CENPK: variants seen among roughly 807,000 people sequenced by gnomAD.
The protein encoded by CENPK is SoxLZ/Sox6-binding protein Solt.
A neutral mutation model predicts 40.9 loss-of-function variants in CENPK; 46 were observed. The ratio of observed to expected loss-of-function variants is 1.13; its 90% confidence interval spans 0.89 to 1.44. CENPK has a LOEUF of 1.44. Among genes scored for constraint, CENPK ranks in the 40% most tolerant of loss-of-function variants. The pLI, the probability that CENPK is intolerant of heterozygous loss-of-function variation, is 0.00. For missense variants in CENPK, 288 were observed against 303.5 expected (o/e 0.95, Z 0.38); for synonymous variants, 107 against 104.4 (o/e 1.02, Z -0.15).
chr5:65,512,267 T>C, the CENPK span, among the ~76,000 whole-genome samples: 8 of 152,228 alleles, frequency 5.3e-5, no homozygotes, highest in Non-Finnish European at 8.8e-5. Flanking sequence ...GAATATTACA[T>C]AAACATTGTT....
chr5:65,560,205 C>T (rs772458066), intron 2 of CENPK, among the ~76,000 whole-genome samples: 15 of 151,736 alleles, frequency 9.9e-5, no homozygotes, highest in Non-Finnish European at 2.1e-4. Context: ...TTTAAAACCC[C>T]CAAACCTAGG....
the CENPK span, among the ~76,000 whole-genome samples, chr5:65,499,246 G>A: frequency 1.4e-5 from 2 of 146,392 alleles, no homozygotes; most frequent in African/African-American, 2.6e-5. Flanking sequence ...CCTTCATCTA[G>A]TATGTATTTA....
At chr5:65,538,954 C>A (rs961167342) in intron 6 of CENPK, among the ~76,000 whole-genome samples, 7 of 152,160 alleles carry the variant, frequency 4.6e-5, no homozygotes, top group Non-Finnish European at 1.0e-4. Context: ...CCTTCAAATC[C>A]CAAGACTTTC....
At chr5:65,525,297 G>A (rs571986761) in intron 9 of CENPK, among the ~76,000 whole-genome samples, 5 of 152,196 alleles carry the variant, frequency 3.3e-5, no homozygotes, top group African/African-American at 1.2e-4. Flanking sequence ...CCCAGGAGGT[G>A]GAGGTTATAG....
chr5:65,544,795 A>T (rs958181341), intron 5 of CENPK, among the ~76,000 whole-genome samples: 1 of 152,184 alleles, frequency 6.6e-6, no homozygotes, highest in Non-Finnish European at 1.5e-5. Context: ...CACAAATACT[A>T]TATGATTCCA....
chr5:65,544,123 G>A (rs1262990634), intron 5 of CENPK, among the ~76,000 whole-genome samples: 1 of 152,138 alleles, frequency 6.6e-6, no homozygotes, highest in African/African-American at 2.4e-5. Flanking sequence ...TCATAGATAG[G>A]TTTGTATTAG....
At chr5:65,528,685 G>T in intron 8 of CENPK, 107 bp from the exon 9 acceptor site, 1 of 1,291,438 alleles carries the variant, frequency 7.7e-7, no homozygotes, top group Non-Finnish European at 1.0e-6. Flanking sequence ...AACTTCATTT[G>T]CTCAAACCAA....
At chr5:65,517,195 G>A (rs888037914), downstream of CENPK, among the ~76,000 whole-genome samples, 8 of 152,042 alleles carry the variant, frequency 5.3e-5, no homozygotes, top group South Asian at 2.1e-4. Context: ...CGCCCACCTC[G>A]GCCTCCCAAA....
intron 5 of CENPK, among the ~76,000 whole-genome samples, chr5:65,546,043 A>G (rs1006207446): frequency 6.6e-6 from 1 of 152,188 alleles, no homozygotes; most frequent in Non-Finnish European, 1.5e-5. Context: ...ACTTTTCTTT[A>G]AGTTTGAAAA....
chr5:65,507,657 T>G, the CENPK span, among the ~76,000 whole-genome samples: 1 of 152,176 alleles, frequency 6.6e-6, no homozygotes, highest in Admixed American at 6.5e-5. Flanking sequence ...TACAATTATG[T>G]GTAACATTTT....
chr5:65,520,136 CAA>C (rs1743447683), intron 10 of CENPK, among the ~76,000 whole-genome samples: 1 of 152,126 alleles, frequency 6.6e-6, no homozygotes. Context: ...AATGCTTTAG[CAA>C]ATCCCCTTGG....
intron 2 of CENPK, among the ~76,000 whole-genome samples, chr5:65,555,979 C>A (rs1299234697): frequency 1.3e-5 from 2 of 152,124 alleles, no homozygotes; most frequent in Non-Finnish European, 2.9e-5. Flanking sequence ...AAGACTTACA[C>A]ACTACATAAT....
chr5:65,497,744 C>T, the CENPK span, among the ~76,000 whole-genome samples: 1 of 152,164 alleles, frequency 6.6e-6, no homozygotes, highest in Admixed American at 6.5e-5. Context: ...GTGGCTCACG[C>T]CTGTAATTCC....
At chr5:65,523,001 T>C (rs1162225463) in intron 9 of CENPK, among the ~76,000 whole-genome samples, 1 of 152,222 alleles carries the variant, frequency 6.6e-6, no homozygotes. Context: ...GCCAAAGTAT[T>C]TTTCATATAT....
intron 8 of CENPK, 100 bp downstream of exon 8, chr5:65,528,819 C>G (rs1745208729): frequency 9.9e-6 from 9 of 906,168 alleles, no homozygotes; most frequent in Non-Finnish European, 1.3e-5. Flanking sequence ...TAGGGCAAGA[C>G]TCCTGATTCC....
chr5:65,514,117 T>A (rs1404848508), downstream of CENPK, among the ~76,000 whole-genome samples: 1 of 152,090 alleles, frequency 6.6e-6, no homozygotes, highest in Non-Finnish European at 1.5e-5. Context: ...TTTGCTAATA[T>A]TCTGTTGAGA....
chr5:65,535,112 G>A (rs535702332), intron 6 of CENPK, among the ~76,000 whole-genome samples: 2 of 152,308 alleles, frequency 1.3e-5, no homozygotes, highest in East Asian at 3.9e-4. Context: ...AGCTACTCAG[G>A]AGGCTGAAGT....
intron 9 of CENPK, among the ~76,000 whole-genome samples, chr5:65,526,677 G>A (rs990426662): frequency 7.9e-5 from 12 of 152,326 alleles, no homozygotes; most frequent in Middle Eastern, 3.4e-3. Flanking sequence ...AGGACACCTA[G>A]AGCCAGATTC....
intron 5 of CENPK, among the ~76,000 whole-genome samples, chr5:65,546,299 C>G (rs918361381): frequency 3.3e-5 from 5 of 152,020 alleles, no homozygotes; most frequent in African/African-American, 1.2e-4. Flanking sequence ...AGCCACCACA[C>G]CCGGCTGTTC....
Sources: gnomAD v4.1 joint callset for allele counts (sites outside exome capture counted in the v4.1 genomes callset) on GRCh38, gnomAD v4.1.1 for gene constraint, MANE v1.5 for transcripts, NCBI Gene and HGNC (gene_info 2026-07-23, HGNC 2026-07-21) for gene names.